Variants in MEIS2 observed in about 807,000 individuals in gnomAD.
The protein encoded by MEIS2 is homeobox protein Meis2.
In MEIS2, 9 loss-of-function variants were observed where a neutral mutation model predicts 58.6. The observed-to-expected ratio is 0.15, with a 90% CI of 0.09 to 0.27. The LOEUF is 0.27. Among genes scored for constraint, MEIS2 ranks in the 10% least tolerant of loss-of-function variants. The pLI is 1.00. For missense variants in MEIS2, 427 were observed against 635.0 expected, an observed-to-expected ratio of 0.67 and a Z score of 3.52; for synonymous variants, 221 against 228.4, an observed-to-expected ratio of 0.97 and a Z score of 0.29.
intron 8 of MEIS2, among the ~76,000 whole-genome samples, chr15:36,963,220 CA>C (rs911650990): frequency 1.3e-5 from 2 of 151,256 alleles, no homozygotes; most frequent in African/African-American, 4.8e-5. Context: ...ACTAAAAATA[CA>C]AAAAAAAATT....
In MEIS2 at chr15:36,952,627, G is replaced by C. The variant is rs796878683; in HGVS notation, c.901-2227C>G. Among the ~76,000 whole-genome samples, 49 of 151,648 alleles carry C rather than the reference G, an allele frequency of 3.2e-4. No individual in the cohort carries two copies. The South Asian group carries it at 5.9e-3, about 18-fold the overall frequency. On this transcript the variant is annotated intron_variant, in intron 8 of 11. Transcript: ENST00000561208. ...TCTCTCTGTGTGTGTGTGTGTGTGT[G>C]TGTGTGTGTGTGTGTGTGTGTGCAT...
intron 9 of MEIS2, among the ~76,000 whole-genome samples, chr15:36,931,692 C>T (rs1023160478): frequency 1.4e-4 from 21 of 152,246 alleles, no homozygotes; most frequent in African/African-American, 2.4e-4. Context: ...TCCTAATTAA[C>T]GACAAATTAG....
intron 9 of MEIS2, among the ~76,000 whole-genome samples, chr15:36,937,331 C>T (rs906177824): frequency 6.6e-6 from 1 of 152,120 alleles, no homozygotes; most frequent in African/African-American, 2.4e-5. Context: ...TTGGTCTGAT[C>T]ATCTCAATAA....
chr15:37,036,781 A>C lies in MEIS2; in HGVS notation c.900+33T>G, dbSNP rs780950578. 1.9e-6 allele frequency: 3 copies of C among 1,600,662 alleles called. No individual in the cohort carries two copies. The East Asian group carries it at 6.7e-5, about 36-fold the overall frequency. On this transcript the variant is annotated intron_variant, in intron 8 of 11. Transcript: ENST00000561208. ...ATAACTTGCTAGCAAAACAACAAAA[A>C]CTATTTTTTTTTTCTCTTTCATCTT...
At chr15:37,036,717 T>C (rs2062169753) in intron 8 of MEIS2, 97 bp downstream of exon 8, 1 of 1,329,356 alleles carries the variant, frequency 7.5e-7, no homozygotes, top group Non-Finnish European at 1.0e-6. Flanking sequence ...AATAAGAAAA[T>C]AGGCACCTTA....
chr15:37,070,661 T>C (rs1890580018), intron 7 of MEIS2, among the ~76,000 whole-genome samples: 1 of 152,150 alleles, frequency 6.6e-6, no homozygotes. Context: ...CTTGGAACCA[T>C]AGTTTTCTAA....
chr15:37,097,845 C>A, intron 2 of MEIS2, 122 bp downstream of exon 2: 1 of 1,384,420 alleles, frequency 7.2e-7, no homozygotes. Context: ...AGGCAAGCGG[C>A]GCCCGCCCCC....
chr15:37,042,869 A>G (rs547733124), intron 7 of MEIS2, among the ~76,000 whole-genome samples: 2 of 152,340 alleles, frequency 1.3e-5, no homozygotes, highest in Admixed American at 1.3e-4. Context: ...ACTGACCCTC[A>G]GAGTCCAGAG....
chr15:36,977,348 C>T (rs1372603809), intron 8 of MEIS2, among the ~76,000 whole-genome samples: 1 of 151,968 alleles, frequency 6.6e-6, no homozygotes, highest in Admixed American at 6.6e-5. Context: ...AGAAATGAGA[C>T]ACACTGAAAC....
Position 37,015,744 on chromosome 15 carries a change from C to CAA in MEIS2, c.900+21069_900+21070insTT, listed in dbSNP as rs1481949937. On this transcript the variant is annotated intron_variant, in intron 8 of 11. Coordinates refer to ENST00000561208, the MANE Select transcript of MEIS2 (RefSeq NM_170675.5). ...AGGCTTGCTTTCTACCTTTTTTTTCCCCCTGTGCAGTGCAACATAGAGCAC... is the reference window on the plus strand; with the variant it reads ...AGGCTTGCTTTCTACCTTTTTTTTCCAACCCTGTGCAGTGCAACATAGAGCAC... 2.0e-5 allele frequency among the ~76,000 whole-genome samples: 3 copies of CAA among 151,920 alleles called. No homozygotes were observed. The East Asian group carries it at 5.8e-4, about 29-fold the overall frequency.
intron 9 of MEIS2, among the ~76,000 whole-genome samples, chr15:36,903,135 A>T (rs1567029471): frequency 6.6e-6 from 1 of 152,208 alleles, no homozygotes; most frequent in Non-Finnish European, 1.5e-5. Flanking sequence ...TTTCCTTTAC[A>T]ATATTGAGCA....
chr15:37,040,076 A>ATATG (rs1555457665), intron 7 of MEIS2, among the ~76,000 whole-genome samples: 1 of 145,576 alleles, frequency 6.9e-6, no homozygotes, highest in Non-Finnish European at 1.5e-5. Flanking sequence ...AAGGCTGTGT[A>ATATG]TGTGTGTGTG....
intron 6 of MEIS2, among the ~76,000 whole-genome samples, chr15:37,087,805 C>T (rs1157301617): frequency 1.3e-5 from 2 of 152,038 alleles, no homozygotes; most frequent in South Asian, 2.1e-4. Flanking sequence ...TAATAAGTCT[C>T]GGTGAATTGG....
At chr15:37,101,303 CGTGTGTGTGTGTGT>C (rs371810726), upstream of MEIS2, 62 of 128,542 alleles carry the variant, frequency 4.8e-4, no homozygotes, top group African/African-American at 1.3e-3. Flanking sequence ...TAGCCAAAGG[CGTGTGTGTGTGTGT>C]GTGTGTGTGT....
At chr15:36,939,011 CTT>C (rs1483312935) in intron 9 of MEIS2, among the ~76,000 whole-genome samples, 1 of 152,224 alleles carries the variant, frequency 6.6e-6, no homozygotes, top group African/African-American at 2.4e-5. Flanking sequence ...TTGCAAATGT[CTT>C]TCTCTCATCA....
intron 8 of MEIS2, among the ~76,000 whole-genome samples, chr15:37,009,449 T>C (rs1221826375): frequency 6.6e-6 from 1 of 152,208 alleles, no homozygotes; most frequent in African/African-American, 2.4e-5. Context: ...AGTGCAAACA[T>C]TTGTCCTGTT....
At chr15:36,933,489 A>G (rs1489555876) in intron 9 of MEIS2, among the ~76,000 whole-genome samples, 1 of 151,454 alleles carries the variant, frequency 6.6e-6, no homozygotes, top group Non-Finnish European at 1.5e-5. Context: ...TTTAGAGACC[A>G]TTGAGAAATT....
intron 8 of MEIS2, among the ~76,000 whole-genome samples, chr15:37,010,377 A>C (rs961945175): frequency 6.8e-6 from 1 of 147,888 alleles, no homozygotes; most frequent in Non-Finnish European, 1.5e-5. Context: ...ATGAGCCACC[A>C]CGCCCGGCCT....
intron 8 of MEIS2, among the ~76,000 whole-genome samples, chr15:36,953,827 CCTT>C (rs575096950): frequency 6.6e-6 from 1 of 152,064 alleles, no homozygotes; most frequent in Non-Finnish European, 1.5e-5. Context: ...TGACCTTAGG[CCTT>C]CTTCTTTTTA....
Sources: gnomAD v4.1 joint callset for allele counts (sites outside exome capture counted in the v4.1 genomes callset) on GRCh38, gnomAD v4.1.1 for gene constraint, MANE v1.5 for transcripts, NCBI Gene and HGNC (gene_info 2026-07-23, HGNC 2026-07-21) for gene names.